ATP1B3: variants seen among roughly 807,000 people sequenced by gnomAD.
ATP1B3 encodes the protein ATPase Na+/K+ transporting subunit beta 3.
In ATP1B3, 10 loss-of-function variants were observed where a neutral mutation model predicts 30.2. The ratio of observed to expected loss-of-function variants is 0.33; its 90% CI spans 0.20 to 0.56. The LOEUF is 0.56. Ranked by LOEUF, ATP1B3 falls within the 20% of genes least tolerant of loss-of-function variation. ATP1B3 has a pLI of 0.90. For synonymous variants in ATP1B3, 113 were observed against 117.0 expected (o/e 0.97, Z 0.22); for missense variants, 238 against 336.7 (o/e 0.71, Z 2.29).
At chr3:141,909,853 G>T (rs569591705) in intron 3 of ATP1B3, among the ~76,000 whole-genome samples, 1 of 152,232 alleles carries the variant, frequency 6.6e-6, no homozygotes, top group Non-Finnish European at 1.5e-5. Context: ...AGACTAGAAG[G>T]GGGGAATTGG....
chr3:141,891,100 A>G (rs1933943869), intron 1 of ATP1B3, among the ~76,000 whole-genome samples: 1 of 152,156 alleles, frequency 6.6e-6, no homozygotes, highest in African/African-American at 2.4e-5. Flanking sequence ...TGTATAATCC[A>G]TCATTTCCCC....
intron 1 of ATP1B3, among the ~76,000 whole-genome samples, chr3:141,892,651 CAAAAAAA>C (rs386398103): frequency 2.1e-4 from 15 of 70,022 alleles, no homozygotes; most frequent in Admixed American, 3.8e-4. Context: ...GAGACTGTCT[CAAAAAAA>C]AAAAAAAAAA....
chr3:141,891,160 G>A (rs905305597), intron 1 of ATP1B3, among the ~76,000 whole-genome samples: 1 of 152,054 alleles, frequency 6.6e-6, no homozygotes, highest in African/African-American at 2.4e-5. Context: ...ATTTTATATG[G>A]ATTCTTTTTA....
At chr3:141,903,567 C>G in intron 1 of ATP1B3, 53 bp from the exon 2 acceptor site, 1 of 1,603,806 alleles carries the variant, frequency 6.2e-7, no homozygotes. Context: ...GCCAAACATG[C>G]ATACACACAC....
chr3:141,877,078 C>T (rs1330225673), intron 1 of ATP1B3, among the ~76,000 whole-genome samples, 168 bp downstream of exon 1: 3 of 151,198 alleles, frequency 2.0e-5, no homozygotes, highest in Non-Finnish European at 4.4e-5. Flanking sequence ...CATTGCTCCC[C>T]GGGCCGGCCG....
intron 1 of ATP1B3, among the ~76,000 whole-genome samples, chr3:141,885,409 G>A (rs1481193964): frequency 6.6e-6 from 1 of 151,908 alleles, no homozygotes; most frequent in African/African-American, 2.4e-5. Flanking sequence ...ATTTTATCAG[G>A]ATCTGGTAGT....
At position 141,926,021 on chromosome 3, in the gene ATP1B3, G is replaced by A. The variant is rs541300918; in HGVS notation, c.*320G>A. The A allele has an allele frequency of 1.2e-4, 27 of 232,704 alleles. No homozygotes were observed. Among genetic ancestry groups the A allele is most frequent in the Non-Finnish European group, 1.8e-4 (22 of 119,914 alleles). 14.4% of individuals were successfully genotyped at this position (232,704 alleles called of 1,614,324 possible). A position where few individuals can be genotyped will look rare whatever the true frequency, so the allele number is the denominator to read the frequency against. On this transcript the variant is annotated 3_prime_UTR_variant, in exon 7 of 7. Coordinates refer to ENST00000286371, the MANE Select transcript of ATP1B3 (RefSeq NM_001679.4). ...CCAAGTGTCTAAAGCTTAATATGCCGTGCTATGTAAATATTTTATGGATAT... is the reference window on the plus strand; with the variant it reads ...CCAAGTGTCTAAAGCTTAATATGCCATGCTATGTAAATATTTTATGGATAT...
intron 1 of ATP1B3, among the ~76,000 whole-genome samples, chr3:141,895,040 T>C (rs2107768884): frequency 6.6e-6 from 1 of 152,198 alleles, no homozygotes; most frequent in South Asian, 2.1e-4. Flanking sequence ...TTAATGGGAC[T>C]ATTGTTGTGT....
chr3:141,903,788 GT>G (rs763305749), intron 2 of ATP1B3, 40 bp downstream of exon 2: 777 of 1,442,554 alleles, frequency 5.4e-4, no homozygotes, highest in Admixed American at 1.0e-3. Flanking sequence ...TTTGTTTTTT[GT>G]TTTTTTTTTG....
Position 141,899,350 on chromosome 3 carries a change from G to A in ATP1B3, c.110-4270G>A, listed in dbSNP as rs138255952. On this transcript the variant is annotated intron_variant, in intron 1 of 6. Coordinates refer to ENST00000286371, the MANE Select transcript of ATP1B3 (RefSeq NM_001679.4). The stretch of plus-strand genomic sequence containing the variant: ...TTTAAAATGTTTTAAACTATAAACA[G>A]AATGCTAGTTTATTTACCAAATGGA... Among the ~76,000 whole-genome samples the A allele has an allele frequency of 4.6e-5, 7 of 152,282 alleles. 1 individual carries two copies. The East Asian group carries it at 1.3e-3, about 29-fold the overall frequency.
chr3:141,926,306 CTG>C lies in ATP1B3; in HGVS notation c.*606_*607del, dbSNP rs1050693479. The C allele has an allele frequency of 1.4e-5, 2 of 148,000 alleles. No individual in the cohort carries two copies. The highest frequency in any genetic ancestry group is 2.5e-5 in the African/African-American group (1 of 40,110). The allele number at this position is 148,000 out of a possible 1,614,324, so 9.2% of individuals were successfully genotyped here. Reference sequence around the variant, plus strand: ...TTTGTAAAACATGTAAAAAAAAAAACTGGGATTAATTTTTAGTGTTGGAACTG... The same window carrying C: ...TTTGTAAAACATGTAAAAAAAAAAACGGATTAATTTTTAGTGTTGGAACTG... On this transcript the variant is annotated 3_prime_UTR_variant, in exon 7 of 7. Coordinates refer to ENST00000286371, the MANE Select transcript of ATP1B3 (RefSeq NM_001679.4).
chr3:141,917,293 G>GC (rs1269454354), intron 5 of ATP1B3, among the ~76,000 whole-genome samples: 3 of 152,112 alleles, frequency 2.0e-5, no homozygotes, highest in Admixed American at 2.0e-4. Context: ...AGCATAAAAA[G>GC]CCAGGAAGTT....
At chr3:141,885,846 C>T (rs1022959749) in intron 1 of ATP1B3, among the ~76,000 whole-genome samples, 2 of 151,222 alleles carry the variant, frequency 1.3e-5, no homozygotes, top group African/African-American at 2.4e-5. Context: ...TTCAAATAGA[C>T]GATTGGCTTT....
chr3:141,886,258 A>G (rs771842515), intron 1 of ATP1B3, among the ~76,000 whole-genome samples: 17 of 152,020 alleles, frequency 1.1e-4, no homozygotes, highest in Non-Finnish European at 4.4e-5. Flanking sequence ...AGCTACACGG[A>G]TGTATCTAAG....
chr3:141,887,062 C>G lies in ATP1B3; in HGVS notation c.109+10152C>G, dbSNP rs565282758. 7.2e-5 allele frequency among the ~76,000 whole-genome samples: 11 copies of G among 152,254 alleles called. No individual in the cohort carries two copies. In the East Asian group the frequency reaches 2.1e-3, roughly 29 times the overall value. The stretch of plus-strand genomic sequence containing the variant: ...TCAAATGTAACTTTGAAATTACAAA[C>G]AAAGCCTACCTATATAAATGCTTTA... On this transcript the variant is annotated intron_variant, in intron 1 of 6. Coordinates refer to ENST00000286371, the MANE Select transcript of ATP1B3 (RefSeq NM_001679.4).
intron 1 of ATP1B3, among the ~76,000 whole-genome samples, chr3:141,890,673 A>G (rs915049665): frequency 1.4e-5 from 2 of 146,922 alleles, no homozygotes; most frequent in African/African-American, 2.7e-5. Flanking sequence ...CTTGACCTCA[A>G]GTGATCTGCC....
chr3:141,879,090 G>A lies in ATP1B3; in HGVS notation c.109+2180G>A, dbSNP rs555730454. 3.9e-5 allele frequency among the ~76,000 whole-genome samples: 6 copies of A among 152,302 alleles called. No homozygotes were observed. In the East Asian group the frequency reaches 9.6e-4, roughly 24 times the overall value. The stretch of plus-strand genomic sequence containing the variant: ...GGACTGTATGGGCTTGCTGCCAGAT[G>A]TCATCATACCTCAGAGATACTATTA... On this transcript the variant is annotated intron_variant, in intron 1 of 6. Coordinates refer to ENST00000286371, the MANE Select transcript of ATP1B3 (RefSeq NM_001679.4).
At chr3:141,881,701 A>G (rs1933729552) in intron 1 of ATP1B3, among the ~76,000 whole-genome samples, 1 of 152,262 alleles carries the variant, frequency 6.6e-6, no homozygotes, top group African/African-American at 2.4e-5. Context: ...GCAGTAGGAT[A>G]TAACTCCCAC....
intron 2 of ATP1B3, among the ~76,000 whole-genome samples, chr3:141,905,573 T>C (rs1327744065): frequency 6.6e-6 from 1 of 152,220 alleles, no homozygotes; most frequent in African/African-American, 2.4e-5. Flanking sequence ...TAATGATTTC[T>C]TTTGTTTACA....
Sources: gnomAD v4.1 joint callset for allele counts (sites outside exome capture counted in the v4.1 genomes callset) on GRCh38, gnomAD v4.1.1 for gene constraint, MANE v1.5 for transcripts, NCBI Gene and HGNC (gene_info 2026-07-23, HGNC 2026-07-21) for gene names.